SYN2: variants seen among roughly 807,000 people sequenced by gnomAD.
The protein encoded by SYN2 is synapsin II, also known as synapsin-2.
In SYN2, 19 loss-of-function variants were observed where a neutral mutation model predicts 50.9. The ratio of observed to expected loss-of-function variants is 0.37; its 90% CI spans 0.26 to 0.55. SYN2 has a LOEUF of 0.55. SYN2 is among the 20% of genes least tolerant of loss of function. The pLI is 0.81. For synonymous variants in SYN2, 255 were observed against 224.9 expected (o/e 1.13, Z -1.20); for missense variants, 587 against 576.4 (o/e 1.02, Z -0.19).
At chr3:12,037,682 A>G (rs1271819110) in intron 1 of SYN2, among the ~76,000 whole-genome samples, 3 of 152,172 alleles carry the variant, frequency 2.0e-5, no homozygotes, top group Non-Finnish European at 4.4e-5. Flanking sequence ...TCCCATGATA[A>G]CAGCATTAAT....
chr3:12,049,856 T>TA (rs1694816563), intron 1 of SYN2, among the ~76,000 whole-genome samples: 1 of 152,248 alleles, frequency 6.6e-6, no homozygotes, highest in South Asian at 2.1e-4. Flanking sequence ...TTTCCAGAGA[T>TA]AAAATCAGTA....
chr3:12,143,182 G>A (rs1178604923), intron 3 of SYN2, among the ~76,000 whole-genome samples: 2 of 152,152 alleles, frequency 1.3e-5, no homozygotes, highest in East Asian at 1.9e-4. Context: ...TCCTGTAACT[G>A]GGGTGCAGGA....
intron 1 of SYN2, among the ~76,000 whole-genome samples, chr3:12,078,844 G>A (rs1310274357): frequency 6.6e-6 from 1 of 152,168 alleles, no homozygotes; most frequent in Non-Finnish European, 1.5e-5. Context: ...TGTGAAGAAT[G>A]TCAACGGTAG....
rs1698435788 is a variant in SYN2, at chr3:12,191,066, G to C, written c.*441G>C. On this transcript the variant is annotated 3_prime_UTR_variant, in exon 13 of 13. Transcript: ENST00000621198. ...TTGGGAAGTATATACTTCCCCAAAA[G>C]TACTCTTGGCCCTAAGTTTTAGGAA... 1.0e-6 allele frequency: 1 copy of C among 987,144 alleles called. No individual in the cohort carries two copies. Among genetic ancestry groups the C allele is most frequent in the Non-Finnish European group, 1.2e-6 (1 of 831,276 alleles). The allele number at this position is 987,144 out of a possible 1,614,324, so 61.1% of individuals were successfully genotyped here. A position where few individuals can be genotyped will look rare whatever the true frequency, so the allele number is the denominator to read the frequency against.
intron 1 of SYN2, among the ~76,000 whole-genome samples, chr3:12,027,324 G>C (rs1029588379): frequency 2.6e-5 from 4 of 152,140 alleles, no homozygotes; most frequent in African/African-American, 9.7e-5. Context: ...TCCCTGCCTA[G>C]AGAGCTTCGG....
At chr3:12,070,985 T>C (rs1425132919) in intron 1 of SYN2, 2 of 548,696 alleles carry the variant, frequency 3.6e-6, no homozygotes, top group African/African-American at 1.9e-5. Context: ...GTCATCACCA[T>C]TGGCAACAAG....
At chr3:12,096,784 A>G (rs1180657855) in intron 1 of SYN2, among the ~76,000 whole-genome samples, 2 of 152,176 alleles carry the variant, frequency 1.3e-5, no homozygotes, top group Non-Finnish European at 2.9e-5. Flanking sequence ...AAAATTTACT[A>G]GAGAGGTTAA....
At chr3:12,045,597 C>T (rs1274850772) in intron 1 of SYN2, among the ~76,000 whole-genome samples, 1 of 83,024 alleles carries the variant, frequency 1.2e-5, no homozygotes, top group African/African-American at 2.8e-5. Context: ...TTACAAAGTA[C>T]TTTCACTATG....
rs1027679184 is a variant in SYN2 at position 12,190,495 on chromosome 3, C to T, written c.1619C>T (p.Ser540Leu). ...CTCTGGTTTTTATCTTCAAGCAAGT[C>T]GCAGTCCCTGACAAATGCCTTCAGC... ...KPQPHPQLNK[S>L]QSLTNAFSFS... Residue 540 changes from serine (S) to leucine (L), a missense_variant, in exon 13 of 13, where the codon TCG becomes TTG. Physicochemically the swap from Ser to Leu is moderately radical, Grantham distance 145. Transcript: ENST00000621198. 8.1e-6 allele frequency: 13 copies of T among 1,613,758 alleles called. No individual in the cohort carries two copies. The highest frequency in any genetic ancestry group is 9.3e-6 in the Non-Finnish European group (11 of 1,179,796).
chr3:12,114,987 T>G (rs1264969005), intron 1 of SYN2, among the ~76,000 whole-genome samples: 1 of 152,166 alleles, frequency 6.6e-6, no homozygotes, highest in East Asian at 1.9e-4. Context: ...AAACTTGCCT[T>G]TCCATCCCCA....
chr3:12,153,661 G>C, intron 5 of SYN2: 1 of 1,614,222 alleles, frequency 6.2e-7, no homozygotes, highest in Non-Finnish European at 8.5e-7. Context: ...TCTGTCCAGA[G>C]GCACTCGTTA....
At chr3:12,081,721 C>T (rs1019516889) in intron 1 of SYN2, among the ~76,000 whole-genome samples, 3 of 152,108 alleles carry the variant, frequency 2.0e-5, no homozygotes, top group African/African-American at 7.2e-5. Context: ...CACATATGCC[C>T]CCTCTTCCAC....
At chr3:12,087,138 C>G (rs1695719712) in intron 1 of SYN2, among the ~76,000 whole-genome samples, 1 of 151,968 alleles carries the variant, frequency 6.6e-6, no homozygotes, top group African/African-American at 2.4e-5. Context: ...TAAAATATCT[C>G]ATAGTAAATT....
intron 2 of SYN2, among the ~76,000 whole-genome samples, chr3:12,141,069 G>A (rs1487951139): frequency 6.6e-6 from 1 of 152,184 alleles, no homozygotes; most frequent in Non-Finnish European, 1.5e-5. Context: ...ATATTTCTCG[G>A]TAGGCACATG....
intron 9 of SYN2, among the ~76,000 whole-genome samples, chr3:12,169,149 CCT>C (rs1392925841): frequency 1.3e-5 from 2 of 152,162 alleles, no homozygotes; most frequent in African/African-American, 2.4e-5. Context: ...GCTAGGTGGG[CCT>C]CTGTTTTCTC....
intron 1 of SYN2, among the ~76,000 whole-genome samples, chr3:12,044,206 CACA>C (rs753942814): frequency 0.045 from 6,806 of 150,884 alleles, 226 homozygotes; most frequent in East Asian, 0.14. Flanking sequence ...CACACACACA[CACA>C]CACACACACA....
chr3:12,104,334 A>G (rs1382725005), intron 1 of SYN2, among the ~76,000 whole-genome samples: 1 of 152,156 alleles, frequency 6.6e-6, no homozygotes, highest in Non-Finnish European at 1.5e-5. Flanking sequence ...CTCAAAATAA[A>G]TAAAGCAAAA....
intron 10 of SYN2, among the ~76,000 whole-genome samples, chr3:12,178,764 T>C (rs1008466037): frequency 2.6e-5 from 4 of 152,316 alleles, no homozygotes; most frequent in Non-Finnish European, 5.9e-5. Flanking sequence ...CACTTTACAG[T>C]TTACAAAGCA....
chr3:12,146,606 C>T, intron 4 of SYN2, among the ~76,000 whole-genome samples: 1 of 152,156 alleles, frequency 6.6e-6, no homozygotes, highest in South Asian at 2.1e-4. Context: ...GTTACAGTGC[C>T]AGGATTTCTC....
Sources: allele counts gnomAD v4.1 joint callset (sites outside exome capture counted in the v4.1 genomes callset), GRCh38; gene constraint gnomAD v4.1.1; transcripts MANE v1.5; gene names NCBI Gene and HGNC (gene_info 2026-07-23, HGNC 2026-07-21).